ATP10B: variants seen among roughly 807,000 people sequenced by gnomAD.
The protein encoded by ATP10B is ATPase phospholipid transporting 10B (putative), also known as phospholipid-transporting ATPase VB.
A neutral mutation model predicts 141.2 loss-of-function variants in ATP10B; 122 were observed. The ratio of observed to expected loss-of-function variants is 0.86; its 90% confidence interval spans 0.75 to 1.00. The LOEUF is 1.00. ATP10B is among the 50% of genes least tolerant of loss of function. The pLI is 0.00. For missense variants in ATP10B, 1,876 were observed against 1,825.3 expected, an observed-to-expected ratio of 1.03 and a Z score of -0.51; for synonymous variants, 685 against 692.0, an observed-to-expected ratio of 0.99 and a Z score of 0.16.
chr5:160,841,145 C>T (rs1166155009), intron 1 of ATP10B, among the ~76,000 whole-genome samples: 3 of 152,156 alleles, frequency 2.0e-5, no homozygotes, highest in Non-Finnish European at 4.4e-5. Flanking sequence ...AAAGTAATAT[C>T]TGTAGGAAAC....
chr5:160,899,025 A>G, the ATP10B span, among the ~76,000 whole-genome samples: 446 of 152,224 alleles, frequency 2.9e-3, 4 homozygotes, highest in Admixed American at 8.5e-3. Flanking sequence ...GGATAGCATT[A>G]GGGGAAATAC....
At chr5:160,728,230 C>T (rs774700455) in intron 2 of ATP10B, among the ~76,000 whole-genome samples, 1 of 152,008 alleles carries the variant, frequency 6.6e-6, no homozygotes, top group Non-Finnish European at 1.5e-5. Flanking sequence ...GATGCCTGCC[C>T]CTCTTTAAGG....
At chr5:160,638,838 T>C (rs1266129516) in intron 10 of ATP10B, among the ~76,000 whole-genome samples, 1 of 152,204 alleles carries the variant, frequency 6.6e-6, no homozygotes, top group Non-Finnish European at 1.5e-5. Flanking sequence ...AGATCTCCTT[T>C]AGCATCCTGA....
intron 1 of ATP10B, among the ~76,000 whole-genome samples, chr5:160,812,231 G>T (rs1307084282): frequency 6.6e-6 from 1 of 152,134 alleles, no homozygotes; most frequent in Non-Finnish European, 1.5e-5. Flanking sequence ...CCTTAATGCA[G>T]ATACAGTTAG....
At chr5:160,885,743 C>A in the ATP10B span, among the ~76,000 whole-genome samples, 1 of 152,226 alleles carries the variant, frequency 6.6e-6, no homozygotes, top group East Asian at 1.9e-4. Flanking sequence ...TTGTTTTCAT[C>A]CTAGTTGATG....
intron 7 of ATP10B, among the ~76,000 whole-genome samples, chr5:160,659,488 AAAACAAAAAC>A (rs1761758693): frequency 6.6e-6 from 1 of 152,096 alleles, no homozygotes; most frequent in African/African-American, 2.4e-5. Flanking sequence ...AACAAAAACA[AAAACAAAAAC>A]AAACAAACAA....
intron 2 of ATP10B, among the ~76,000 whole-genome samples, chr5:160,743,270 G>A (rs542880814): frequency 6.6e-6 from 1 of 152,278 alleles, no homozygotes; most frequent in South Asian, 2.1e-4. Context: ...TAACCCACAT[G>A]CTTACACAGG....
chr5:160,861,896 T>C, the ATP10B span, among the ~76,000 whole-genome samples: 1 of 151,938 alleles, frequency 6.6e-6, no homozygotes, highest in Non-Finnish European at 1.5e-5. Context: ...TCTTAACAAA[T>C]GGCATATTTT....
intron 1 of ATP10B, among the ~76,000 whole-genome samples, chr5:160,823,176 T>C (rs1774312178): frequency 6.6e-6 from 1 of 151,604 alleles, no homozygotes; most frequent in African/African-American, 2.4e-5. Flanking sequence ...AAATAAAATG[T>C]GGTACATATA....
chr5:160,663,481 C>T (rs1014011293), intron 7 of ATP10B, among the ~76,000 whole-genome samples: 1 of 152,194 alleles, frequency 6.6e-6, no homozygotes, highest in Non-Finnish European at 1.5e-5. Flanking sequence ...GAGTTCATGT[C>T]ATTTGTAGGG....
At chr5:160,737,380 C>T (rs185208702) in intron 2 of ATP10B, among the ~76,000 whole-genome samples, 27 of 152,276 alleles carry the variant, frequency 1.8e-4, no homozygotes, top group African/African-American at 6.5e-4. Context: ...TGTTATTCAA[C>T]ACAGTCCTGG....
intron 22 of ATP10B, among the ~76,000 whole-genome samples, chr5:160,596,731 C>T (rs1484123229): frequency 2.0e-5 from 3 of 152,042 alleles, no homozygotes; most frequent in Admixed American, 2.0e-4. Flanking sequence ...AAATCACAAG[C>T]ATTCCTATAC....
chr5:160,903,948 G>C, the ATP10B span, among the ~76,000 whole-genome samples: 1 of 152,144 alleles, frequency 6.6e-6, no homozygotes, highest in Non-Finnish European at 1.5e-5. Flanking sequence ...CATATGGGAA[G>C]TCAGGATATC....
chr5:160,921,815 C>T, the ATP10B span, among the ~76,000 whole-genome samples: 2 of 152,324 alleles, frequency 1.3e-5, no homozygotes, highest in Non-Finnish European at 2.9e-5. Flanking sequence ...TGACCTTTAC[C>T]TTCACTCGCA....
At chr5:160,861,569 A>G in the ATP10B span, among the ~76,000 whole-genome samples, 1 of 151,962 alleles carries the variant, frequency 6.6e-6, no homozygotes, top group Non-Finnish European at 1.5e-5. Context: ...GAAAGGGATT[A>G]GTTTTGATAT....
intron 25 of ATP10B, among the ~76,000 whole-genome samples, chr5:160,566,818 C>A (rs1754570732): frequency 6.6e-6 from 1 of 152,210 alleles, no homozygotes; most frequent in Admixed American, 6.5e-5. Context: ...TCTATCTGAC[C>A]TGGAGGACAT....
chr5:160,579,618 G>GT (rs1399759832), intron 24 of ATP10B, among the ~76,000 whole-genome samples: 1 of 151,952 alleles, frequency 6.6e-6, no homozygotes, highest in Non-Finnish European at 1.5e-5. Context: ...CCAGCTTTGT[G>GT]TTTTTTGCTT....
intron 3 of ATP10B, among the ~76,000 whole-genome samples, chr5:160,716,540 C>T (rs530279559): frequency 1.4e-4 from 22 of 152,230 alleles, no homozygotes; most frequent in Admixed American, 9.8e-4. Context: ...ATAAAACAAA[C>T]AGAATGCTAG....
intron 1 of ATP10B, among the ~76,000 whole-genome samples, chr5:160,816,313 A>T (rs1773622097): frequency 6.6e-6 from 1 of 151,944 alleles, no homozygotes; most frequent in Non-Finnish European, 1.5e-5. Context: ...AAAATGATAA[A>T]GGGGATATCA....
Sources: allele counts gnomAD v4.1 joint callset (sites outside exome capture counted in the v4.1 genomes callset), GRCh38; gene constraint gnomAD v4.1.1; transcripts MANE v1.5; gene names NCBI Gene and HGNC (gene_info 2026-07-23, HGNC 2026-07-21).